Variants in C7orf57 observed in about 807,000 individuals in gnomAD.
C7orf57 encodes chromosome 7 open reading frame 57, also known as uncharacterized protein C7orf57.
Under a neutral mutation model 39.0 loss-of-function variants are expected in C7orf57, and 33 were observed. That is an observed-to-expected ratio of 0.85 (90% confidence interval 0.64 to 1.13). The LOEUF (loss-of-function observed/expected upper bound fraction) is 1.13. C7orf57 is among the 50% of genes most tolerant of loss of function. The pLI is 0.00. For synonymous variants in C7orf57, 124 were observed against 137.1 expected (o/e 0.90, Z 0.67); for missense variants, 346 against 362.3 (o/e 0.95, Z 0.37).
intron 6 of C7orf57, among the ~76,000 whole-genome samples, chr7:48,050,453 G>C (rs1790842197): frequency 6.6e-6 from 1 of 152,230 alleles, no homozygotes; most frequent in South Asian, 2.1e-4. Flanking sequence ...CAGCTGCAGA[G>C]TGAAATCCCT....
chr7:48,051,762 CTTT>C (rs1562629626), intron 6 of C7orf57, among the ~76,000 whole-genome samples: 981 of 34,474 alleles, frequency 0.028, 153 homozygotes, highest in Middle Eastern at 0.079. Flanking sequence ...TTCTTTCTTT[CTTT>C]CTTTCTTTCT....
intron 2 of C7orf57, among the ~76,000 whole-genome samples, chr7:48,038,936 T>C (rs2128790044): frequency 6.6e-6 from 1 of 152,298 alleles, no homozygotes; most frequent in East Asian, 1.9e-4. Context: ...TTGCAAGTTA[T>C]TATCCAAAGA....
In C7orf57 at chr7:48,041,520, G is replaced by A; in HGVS notation, c.241+1G>A. ...CTCGCGAAACAAGGTGGCAGGCCCGGTGAGCCCCCTCCTGCCCTGTTCAGT... is the reference window on the plus strand; with the variant it reads ...CTCGCGAAACAAGGTGGCAGGCCCGATGAGCCCCCTCCTGCCCTGTTCAGT... On this transcript the variant is annotated splice_donor_variant, in intron 3 of 8. Coordinates refer to ENST00000348904, the MANE Select transcript of C7orf57 (RefSeq NM_001100159.3). LOFTEE classifies it high-confidence loss of function. 1 of 1,601,326 alleles carries A rather than the reference G, an allele frequency of 6.2e-7. No homozygotes were observed. The highest frequency in any genetic ancestry group is 8.5e-7 in the Non-Finnish European group (1 of 1,172,074).
At chr7:48,038,274 A>G (rs145743810) in intron 2 of C7orf57, among the ~76,000 whole-genome samples, 3 of 152,340 alleles carry the variant, frequency 2.0e-5, no homozygotes, top group African/African-American at 7.2e-5. Context: ...CTCTGTGCTT[A>G]CATAAATCAA....
chr7:48,046,459 G>C lies in C7orf57; in HGVS notation c.351-1G>C. 3 of 1,612,582 alleles carry C rather than the reference G, an allele frequency of 1.9e-6. No individual in the cohort carries two copies. Among genetic ancestry groups the C allele is most frequent in the Non-Finnish European group, 2.5e-6 (3 of 1,179,210 alleles). ...GCTGTAACTGGTGTCTGTCCTTGCA[G>C]AGTGCGGGCTGTCTCCATGCCGGAT... On this transcript the variant is annotated splice_acceptor_variant, in intron 4 of 8. Coordinates refer to ENST00000348904, the MANE Select transcript of C7orf57 (RefSeq NM_001100159.3). LOFTEE classifies it high-confidence loss of function.
Position 48,051,726 on chromosome 7 carries a change from C to CTTTTTCTTTT in C7orf57, c.606-973_606-972insTTTTCTTTTT, listed in dbSNP as rs144680412. The stretch of plus-strand genomic sequence containing the variant: ...CTCTCTCTCTCTCCTTTCTTTCTTT[C>CTTTTTCTTTT]TCTTTTTCTTTTCTTTCTTTTTCTT... On this transcript the variant is annotated intron_variant, in intron 6 of 8. Transcript: ENST00000348904. Among the ~76,000 whole-genome samples, 6 of 97,336 alleles carry CTTTTTCTTTT rather than the reference C, an allele frequency of 6.2e-5. 2 individuals are homozygous for CTTTTTCTTTT. The highest frequency in any genetic ancestry group is 1.3e-4 in the Non-Finnish European group (6 of 45,954). 63.9% of individuals were successfully genotyped at this position (97,336 alleles called of 152,430 possible).
chr7:48,060,420 G>A lies in C7orf57; in HGVS notation c.*148G>A. 7.9e-6 allele frequency: 4 copies of A among 506,942 alleles called. No individual in the cohort carries two copies. Among genetic ancestry groups the A allele is most frequent in the Non-Finnish European group, 1.1e-5 (3 of 280,244 alleles). 31.4% of individuals were successfully genotyped at this position (506,942 alleles called of 1,614,324 possible). A position where few individuals can be genotyped will look rare whatever the true frequency, so the allele number is the denominator to read the frequency against. On this transcript the variant is annotated 3_prime_UTR_variant, in exon 9 of 9. Transcript: ENST00000348904. The stretch of plus-strand genomic sequence containing the variant: ...ACCTTGCAGCAGATTTGACATTGCT[G>A]CATAGAAGGGGCAGGTGTTGGTTTT...
At chr7:48,039,620 C>T (rs1211649504) in intron 2 of C7orf57, among the ~76,000 whole-genome samples, 1 of 152,128 alleles carries the variant, frequency 6.6e-6, no homozygotes, top group Non-Finnish European at 1.5e-5. Flanking sequence ...TTATTTTCAT[C>T]TAAAAAACTT....
intron 6 of C7orf57, 126 bp from the exon 7 acceptor site, chr7:48,052,574 G>C: frequency 6.9e-6 from 5 of 729,618 alleles, no homozygotes; most frequent in South Asian, 5.3e-5. Context: ...GAAAGACAGA[G>C]AGAGAGAGGT....
intron 6 of C7orf57, among the ~76,000 whole-genome samples, chr7:48,051,347 A>ATTTTCTTTTTTTT (rs1790870921): frequency 1.4e-5 from 1 of 69,770 alleles, no homozygotes; most frequent in African/African-American, 6.0e-5. Context: ...CAGCTGGCTA[A>ATTTTCTTTTTTTT]TTTTTTTTTT....
chr7:48,058,214 G>T (rs572848339), intron 8 of C7orf57, among the ~76,000 whole-genome samples: 1 of 152,286 alleles, frequency 6.6e-6, no homozygotes, highest in Admixed American at 6.5e-5. Context: ...CTCATAAAAT[G>T]AGTTTGGAAG....
rs192117560 is a variant in C7orf57, at chr7:48,058,296, G to A, written c.842-1930G>A. On this transcript the variant is annotated intron_variant, in intron 8 of 8. Transcript: ENST00000348904. ...TATGATTTCTTCCTTTACATGTTTG[G>A]TAGAATTCACCAGTGAAGCCATTAT... is the stretch of plus-strand genomic sequence containing the variant. 3.9e-3 allele frequency among the ~76,000 whole-genome samples: 593 copies of A among 151,950 alleles called. 3 individuals are homozygous for A. The highest frequency in any genetic ancestry group is 0.014 in the Middle Eastern group (4 of 292).
intron 3 of C7orf57, among the ~76,000 whole-genome samples, chr7:48,042,772 C>T (rs1790588486): frequency 6.6e-6 from 1 of 152,098 alleles, no homozygotes; most frequent in African/African-American, 2.4e-5. Flanking sequence ...GCACTGCTAT[C>T]ATTTTGCTGT....
At chr7:48,048,604 A>T (rs1165542137) in intron 5 of C7orf57, among the ~76,000 whole-genome samples, 1 of 152,186 alleles carries the variant, frequency 6.6e-6, no homozygotes, top group Non-Finnish European at 1.5e-5. Context: ...GAAACAATTT[A>T]GGTAGAGCGA....
intron 5 of C7orf57, 73 bp from the exon 6 acceptor site, chr7:48,049,807 C>A: frequency 9.2e-7 from 1 of 1,090,266 alleles, no homozygotes; most frequent in Non-Finnish European, 1.4e-6. Flanking sequence ...TCTTTGCTAC[C>A]ATTAGTGAGT....
intron 8 of C7orf57, among the ~76,000 whole-genome samples, chr7:48,056,818 T>G (rs1053108515): frequency 6.6e-6 from 1 of 152,164 alleles, no homozygotes; most frequent in South Asian, 2.1e-4. Context: ...TTAAATGAGA[T>G]GAAGATCCAA....
intron 2 of C7orf57, among the ~76,000 whole-genome samples, chr7:48,037,190 G>T (rs2128788980): frequency 6.6e-6 from 1 of 152,258 alleles, no homozygotes; most frequent in East Asian, 1.9e-4. Context: ...AGCACAGAAG[G>T]CCTGGCTGAT....
intron 3 of C7orf57, 74 bp downstream of exon 3, chr7:48,041,593 C>G: frequency 9.7e-6 from 12 of 1,241,394 alleles, no homozygotes; most frequent in Non-Finnish European, 1.3e-5. Context: ...CTAATTTCTT[C>G]CATATAAAAA....
At chr7:48,043,171 C>T (rs1790601281) in intron 3 of C7orf57, among the ~76,000 whole-genome samples, 1 of 152,096 alleles carries the variant, frequency 6.6e-6, no homozygotes, top group African/African-American at 2.4e-5. Context: ...GGATGGGCCC[C>T]CTCCAGGAGC....
Sources: allele counts gnomAD v4.1 joint callset (sites outside exome capture counted in the v4.1 genomes callset), GRCh38; gene constraint gnomAD v4.1.1; transcripts MANE v1.5; gene names NCBI Gene and HGNC (gene_info 2026-07-23, HGNC 2026-07-21).